Variants in MAP2K1 observed in about 807,000 individuals in gnomAD.
The protein encoded by MAP2K1 is mitogen-activated protein kinase kinase 1, also known as dual specificity mitogen-activated protein kinase kinase 1.
In MAP2K1, 16 loss-of-function variants were observed where a neutral mutation model predicts 46.3. That is an observed-to-expected ratio of 0.35 (90% CI 0.23 to 0.52). MAP2K1 has a LOEUF of 0.52. Among genes scored for constraint, MAP2K1 ranks in the 20% least tolerant of loss-of-function variants. MAP2K1 has a pLI of 0.94. For synonymous variants in MAP2K1, 183 were observed against 185.6 expected, an observed-to-expected ratio of 0.99 and a Z score of 0.11; for missense variants, 263 against 497.1, an observed-to-expected ratio of 0.53 and a Z score of 4.48.
At chr15:66,392,262 T>TTTTTTTG (rs2140517158) in intron 1 of MAP2K1, among the ~76,000 whole-genome samples, 1 of 109,620 alleles carries the variant, frequency 9.1e-6, no homozygotes, top group Non-Finnish European at 2.0e-5. Flanking sequence ...TGGGTTTTTT[T>TTTTTTTG]TTTTTTTTTT....
At chr15:66,387,758 A>G (rs2093345718) in intron 1 of MAP2K1, among the ~76,000 whole-genome samples, 1 of 152,206 alleles carries the variant, frequency 6.6e-6, no homozygotes, top group African/African-American at 2.4e-5. Flanking sequence ...AAATGTGATC[A>G]TCTGGGAGTC....
intron 1 of MAP2K1, among the ~76,000 whole-genome samples, chr15:66,426,958 T>A (rs1292254824): frequency 6.6e-6 from 1 of 152,242 alleles, no homozygotes; most frequent in East Asian, 1.9e-4. Flanking sequence ...AAGCCCTAGT[T>A]GTTACTTCTT....
At chr15:66,469,693 G>GACACACACACACACAC (rs56197290) in intron 5 of MAP2K1, among the ~76,000 whole-genome samples, 1,262 of 84,908 alleles carry the variant, frequency 0.015, 61 homozygotes, top group East Asian at 0.087. Context: ...TCCTTTTAAA[G>GACACACACACACACAC]ACACACACAC....
chr15:66,399,134 A>G (rs2093375512), intron 1 of MAP2K1, among the ~76,000 whole-genome samples: 1 of 152,220 alleles, frequency 6.6e-6, no homozygotes, highest in African/African-American at 2.4e-5. Context: ...TCATATTCAT[A>G]CATAATGCAC....
chr15:66,438,036 AATTT>A (rs1395391109), intron 3 of MAP2K1, among the ~76,000 whole-genome samples: 1 of 101,644 alleles, frequency 9.8e-6, no homozygotes, highest in Non-Finnish European at 2.2e-5. Context: ...TTTTTTTTTT[AATTT>A]ATTTTTATTT....
intron 3 of MAP2K1, among the ~76,000 whole-genome samples, chr15:66,439,761 A>T (rs998676636): frequency 5.3e-4 from 80 of 151,640 alleles, no homozygotes; most frequent in Admixed American, 1.3e-3. Context: ...GGCAAAACTC[A>T]GTCTCAAAAA....
chr15:66,455,492 GAGA>G (rs1892143691), intron 5 of MAP2K1, among the ~76,000 whole-genome samples: 1 of 152,208 alleles, frequency 6.6e-6, no homozygotes, highest in Admixed American at 6.5e-5. Flanking sequence ...ATTTTTAAAT[GAGA>G]AGAAGTGCCT....
At chr15:66,470,558 G>A (rs148040340) in intron 5 of MAP2K1, among the ~76,000 whole-genome samples, 34 of 152,320 alleles carry the variant, frequency 2.2e-4, no homozygotes, top group African/African-American at 7.7e-4. Context: ...CAAAAAAGGA[G>A]TTGTACAGCA....
At chr15:66,426,068 C>T (rs1419100734) in intron 1 of MAP2K1, among the ~76,000 whole-genome samples, 2 of 151,780 alleles carry the variant, frequency 1.3e-5, no homozygotes, top group African/African-American at 2.4e-5. Context: ...CCATCTTGAA[C>T]GTTCAGCTCT....
chr15:66,472,720 C>T lies in MAP2K1; in HGVS notation c.569-9035C>T, dbSNP rs188293137. Among the ~76,000 whole-genome samples, 17 of 152,350 alleles carry T rather than the reference C, an allele frequency of 1.1e-4. 1 individual carries two copies. In the East Asian group the frequency reaches 1.7e-3, roughly 16 times the overall value. On this transcript the variant is annotated intron_variant, in intron 5 of 10. Coordinates refer to ENST00000307102, the MANE Select transcript of MAP2K1 (RefSeq NM_002755.4). Reference sequence around the variant, plus strand: ...CACATTCTTCTAAGTCTTTCCATTACGGGTTATCCCAAGCTAGGAATAACT... The same window carrying T: ...CACATTCTTCTAAGTCTTTCCATTATGGGTTATCCCAAGCTAGGAATAACT...
At chr15:66,436,227 A>G (rs955619536) in intron 2 of MAP2K1, among the ~76,000 whole-genome samples, 3 of 152,118 alleles carry the variant, frequency 2.0e-5, no homozygotes, top group Non-Finnish European at 2.9e-5. Context: ...TAGAAGTTCA[A>G]CCTTACTACG....
chr15:66,396,999 T>A, intron 1 of MAP2K1, among the ~76,000 whole-genome samples: 1 of 89,642 alleles, frequency 1.1e-5, no homozygotes, highest in South Asian at 4.2e-4. Context: ...ACGCTTCTTT[T>A]TTTTTTTTTT....
chr15:66,481,661 C>G (rs1378811818), intron 5 of MAP2K1, 94 bp from the exon 6 acceptor site: 1 of 1,443,706 alleles, frequency 6.9e-7, no homozygotes, highest in Non-Finnish European at 9.6e-7. Context: ...TCCTGGGACT[C>G]GTGGTCAGGG....
At chr15:66,483,673 T>G (rs918726163) in intron 6 of MAP2K1, among the ~76,000 whole-genome samples, 5 of 152,330 alleles carry the variant, frequency 3.3e-5, no homozygotes, top group African/African-American at 1.2e-4. Context: ...ACTGTATACT[T>G]TTTTTCTCTT....
chr15:66,442,818 A>T (rs890253494), intron 3 of MAP2K1, among the ~76,000 whole-genome samples: 2 of 152,294 alleles, frequency 1.3e-5, no homozygotes, highest in East Asian at 3.9e-4. Flanking sequence ...GACTGGCTTT[A>T]AGTTGGGACT....
chr15:66,387,226 G>GGCAGCCCCGGGGCCC lies in MAP2K1; in HGVS notation c.-119_-105dup. 1.3e-6 allele frequency: 1 copy of GGCAGCCCCGGGGCCC among 761,018 alleles called. No homozygotes were observed. The highest frequency in any genetic ancestry group is 2.0e-5 in the South Asian group (1 of 51,170). 47.1% of individuals were successfully genotyped at this position (761,018 alleles called of 1,614,324 possible). A position where few individuals can be genotyped will look rare whatever the true frequency, so the allele number is the denominator to read the frequency against. ...GACCGCGCGGGGCGCACCCGCTGAAGGCAGCCCCGGGGCCCGCGGCCCGGA... is the reference window on the plus strand; with the variant it reads ...GACCGCGCGGGGCGCACCCGCTGAAGGCAGCCCCGGGGCCCGCAGCCCCGGGGCCCGCGGCCCGGA... On this transcript the variant is annotated 5_prime_UTR_variant, in exon 1 of 11. Transcript: ENST00000307102.
At chr15:66,455,565 C>G (rs569527196) in intron 5 of MAP2K1, among the ~76,000 whole-genome samples, 1 of 152,320 alleles carries the variant, frequency 6.6e-6, no homozygotes, top group African/African-American at 2.4e-5. Context: ...GTTTTTCCAC[C>G]TAGGTGGTAG....
In MAP2K1 at chr15:66,412,398, C is replaced by T. The variant is rs565373329; in HGVS notation, c.81-22629C>T. Among the ~76,000 whole-genome samples, 5 of 152,292 alleles carry T rather than the reference C, an allele frequency of 3.3e-5. No homozygotes were observed. In the South Asian group the frequency reaches 1.0e-3, roughly 32 times the overall value. On this transcript the variant is annotated intron_variant, in intron 1 of 10. Coordinates refer to ENST00000307102, the MANE Select transcript of MAP2K1 (RefSeq NM_002755.4). ...AAAAACGAAGTCTTTAGGAGGCTTCCAAGGATCTGGAAAGCTGAACTCAGC... is the reference window on the plus strand; with the variant it reads ...AAAAACGAAGTCTTTAGGAGGCTTCTAAGGATCTGGAAAGCTGAACTCAGC...
At chr15:66,422,183 T>C (rs2093445275) in intron 1 of MAP2K1, among the ~76,000 whole-genome samples, 1 of 152,220 alleles carries the variant, frequency 6.6e-6, no homozygotes, top group Non-Finnish European at 1.5e-5. Context: ...CCACAGCAAC[T>C]GATTTCATTT....
Sources: allele counts gnomAD v4.1 joint callset (sites outside exome capture counted in the v4.1 genomes callset), GRCh38; gene constraint gnomAD v4.1.1; transcripts MANE v1.5; gene names NCBI Gene and HGNC (gene_info 2026-07-23, HGNC 2026-07-21).